Variants in GNAO1 observed in about 807,000 individuals in gnomAD.
GNAO1 encodes the protein G protein subunit alpha o1.
For synonymous variants in GNAO1, 164 were observed against 180.7 expected (o/e 0.91, Z 0.74); for missense variants, 166 against 478.7 (o/e 0.35, Z 6.10).
intron 2 of GNAO1, among the ~76,000 whole-genome samples, chr16:56,251,313 C>T (rs1353402619): frequency 6.6e-6 from 1 of 152,206 alleles, no homozygotes. Context: ...ACACTGATGA[C>T]TTACAATGCA....
At chr16:56,269,709 C>T (rs60467201) in intron 2 of GNAO1, among the ~76,000 whole-genome samples, 1,693 of 152,226 alleles carry the variant, frequency 0.011, 32 homozygotes, top group African/African-American at 0.038. Context: ...AGGGAGCAGA[C>T]GAGGGGCATT....
chr16:56,198,382 G>A (rs930331973), intron 2 of GNAO1, among the ~76,000 whole-genome samples: 1 of 152,352 alleles, frequency 6.6e-6, no homozygotes, highest in Non-Finnish European at 1.5e-5. Context: ...TTAGCACTGA[G>A]GGGAAGGAGA....
rs551625864 is a variant in GNAO1 at position 56,269,798 on chromosome 16, G to C, written c.162-6133G>C. On this transcript the variant is annotated intron_variant, in intron 2 of 8. Transcript: ENST00000262493. ...CTGAGTTTGTGACCCTCCAGAAGTTGGGGGGGAAACTGTATGTGTTGGTAC... is the reference window on the plus strand; with the variant it reads ...CTGAGTTTGTGACCCTCCAGAAGTTCGGGGGGAAACTGTATGTGTTGGTAC... Among the ~76,000 whole-genome samples the C allele has an allele frequency of 4.6e-5, 7 of 152,228 alleles. No homozygotes were observed. The South Asian group carries it at 1.0e-3, about 23-fold the overall frequency.
intron 3 of GNAO1, among the ~76,000 whole-genome samples, chr16:56,280,764 G>A (rs552878882): frequency 2.6e-5 from 4 of 152,296 alleles, no homozygotes; most frequent in African/African-American, 4.8e-5. Flanking sequence ...ATGGGCACAA[G>A]GTAGAACCTC....
chr16:56,303,686 T>C lies in GNAO1; in HGVS notation c.304-24945T>C, dbSNP rs376520105. Among the ~76,000 whole-genome samples, 10 of 152,106 alleles carry C rather than the reference T, an allele frequency of 6.6e-5. No homozygotes were observed. In the East Asian group the frequency reaches 1.5e-3, roughly 23 times the overall value. ...CAGCGACCTCAGAGATGATCACATC[T>C]AAAGGGTGACACGGATTTGTCTTGT... On this transcript the variant is annotated intron_variant, in intron 3 of 8. Coordinates refer to ENST00000262493, the MANE Select transcript of GNAO1 (RefSeq NM_020988.3).
intron 3 of GNAO1, chr16:56,307,443 T>G (rs2037408847): frequency 6.6e-6 from 1 of 152,164 alleles, no homozygotes; most frequent in Admixed American, 6.5e-5. Flanking sequence ...CTCAGCAGAT[T>G]TTGTAGTTAT....
intron 2 of GNAO1, among the ~76,000 whole-genome samples, chr16:56,211,556 C>A (rs1336376098): frequency 1.3e-5 from 2 of 152,300 alleles, no homozygotes; most frequent in African/African-American, 4.8e-5. Context: ...GCCCAAAGTT[C>A]TGAGGTCAGT....
At chr16:56,355,495 G>C (rs905313134) in intron 8 of GNAO1, 3 of 152,450 alleles carry the variant, frequency 2.0e-5, no homozygotes, top group African/African-American at 7.2e-5. Context: ...CCAGCTCTCT[G>C]TGTTGCGCCC....
At chr16:56,327,413 G>A in intron 3 of GNAO1, among the ~76,000 whole-genome samples, 1 of 152,102 alleles carries the variant, frequency 6.6e-6, no homozygotes. Context: ...AGAGGCGCAG[G>A]GCAAAGGGTG....
At chr16:56,275,570 T>A (rs1260945631) in intron 2 of GNAO1, among the ~76,000 whole-genome samples, 1 of 152,206 alleles carries the variant, frequency 6.6e-6, no homozygotes, top group African/African-American at 2.4e-5. Flanking sequence ...TGCCTCTGGG[T>A]GTACACCTAA....
chr16:56,216,262 G>T (rs1325577344), intron 2 of GNAO1, among the ~76,000 whole-genome samples: 3 of 152,120 alleles, frequency 2.0e-5, no homozygotes, highest in African/African-American at 7.2e-5. Flanking sequence ...TTTTTAAAAG[G>T]TGATCATAAT....
intron 2 of GNAO1, among the ~76,000 whole-genome samples, chr16:56,241,833 A>G (rs11642265): frequency 0.14 from 21,474 of 152,240 alleles, 2,020 homozygotes; most frequent in African/African-American, 0.26. Flanking sequence ...TACCACTCAC[A>G]AGGAGGTCCC....
intron 6 of GNAO1, chr16:56,346,897 G>T: frequency 1.0e-6 from 1 of 985,458 alleles, no homozygotes. Flanking sequence ...CCAAGGGATG[G>T]TCTCACCCAT....
rs1427319167 is a variant in GNAO1 at position 56,289,238 on chromosome 16, G to A, written c.303+13166G>A. ...TGGGCCACTTGCCCCACAGTATCCA[G>A]CGCACTGGGGGGCAGATCAGCCTGT... On this transcript the variant is annotated intron_variant, in intron 3 of 8. Transcript: ENST00000262493. Among the ~76,000 whole-genome samples the A allele has an allele frequency of 3.3e-5, 5 of 152,304 alleles. No individual in the cohort carries two copies. The South Asian group carries it at 1.0e-3, about 32-fold the overall frequency.
At chr16:56,317,196 C>T (rs1270220061) in intron 3 of GNAO1, among the ~76,000 whole-genome samples, 2 of 152,208 alleles carry the variant, frequency 1.3e-5, no homozygotes, top group African/African-American at 2.4e-5. Context: ...TAGGACAAAT[C>T]CTGGGGCATC....
chr16:56,278,773 G>A (rs1253336021), intron 3 of GNAO1, among the ~76,000 whole-genome samples: 1 of 152,164 alleles, frequency 6.6e-6, no homozygotes, highest in Admixed American at 6.5e-5. Flanking sequence ...AGGACGAGGG[G>A]ACAGAAAGTT....
At chr16:56,207,104 A>G (rs1032205887) in intron 2 of GNAO1, among the ~76,000 whole-genome samples, 2 of 152,242 alleles carry the variant, frequency 1.3e-5, no homozygotes, top group Non-Finnish European at 2.9e-5. Flanking sequence ...GAGCCTTACA[A>G]CATCAGGCTG....
At chr16:56,345,151 C>CGGTGA in intron 6 of GNAO1, 1 of 985,770 alleles carries the variant, frequency 1.0e-6, no homozygotes, top group South Asian at 4.7e-5. Flanking sequence ...TAGCTTCTCC[C>CGGTGA]GGTGACGGTG....
At chr16:56,240,620 C>T (rs1473546207) in intron 2 of GNAO1, among the ~76,000 whole-genome samples, 2 of 152,118 alleles carry the variant, frequency 1.3e-5, no homozygotes, top group Admixed American at 6.5e-5. Flanking sequence ...CCATTTCTCT[C>T]AACCTTTGCC....
Sources: gnomAD v4.1 joint callset for allele counts (sites outside exome capture counted in the v4.1 genomes callset) on GRCh38, gnomAD v4.1.1 for gene constraint, MANE v1.5 for transcripts, NCBI Gene and HGNC (gene_info 2026-07-23, HGNC 2026-07-21) for gene names.